The following BIRC6 variants were observed in gnomAD, a reference collection of about 807,000 sequenced individuals.
BIRC6 encodes the protein baculoviral IAP repeat containing 6.
A neutral mutation model predicts 503.3 loss-of-function variants in BIRC6; 98 were observed. That is an observed-to-expected ratio of 0.19 (90% confidence interval 0.17 to 0.23). BIRC6 has a LOEUF of 0.23. Ranked by LOEUF, BIRC6 falls within the 10% of genes least tolerant of loss-of-function variation. The pLI, the probability that BIRC6 is intolerant of heterozygous loss-of-function variation, is 1.00. For missense variants in BIRC6, 5,360 were observed against 5,806.0 expected (o/e 0.92, Z 2.50); for synonymous variants, 2,240 against 2,078.7 (o/e 1.08, Z -2.11).
intron 39 of BIRC6, among the ~76,000 whole-genome samples, chr2:32,484,694 CAT>C (rs945657963): frequency 6.6e-6 from 1 of 151,866 alleles, no homozygotes; most frequent in African/African-American, 2.4e-5. Context: ...ATGTAAATAA[CAT>C]AAAATTTTTC....
intron 21 of BIRC6, among the ~76,000 whole-genome samples, chr2:32,447,078 C>T (rs2046060638): frequency 6.9e-6 from 1 of 144,800 alleles, no homozygotes; most frequent in Admixed American, 6.9e-5. Flanking sequence ...GATAAGGTCA[C>T]AGATCAACAG....
chr2:32,581,942 A>C (rs181695734), intron 66 of BIRC6, among the ~76,000 whole-genome samples: 67 of 152,260 alleles, frequency 4.4e-4, no homozygotes, highest in Admixed American at 1.9e-3. Flanking sequence ...GGCTCACTGC[A>C]AGTTCCGCCT....
intron 72 of BIRC6, among the ~76,000 whole-genome samples, chr2:32,610,770 C>CTTCTT (rs1369287742): frequency 6.6e-6 from 1 of 152,080 alleles, no homozygotes; most frequent in Non-Finnish European, 1.5e-5. Flanking sequence ...CCCCTCCTCT[C>CTTCTT]TTCTTTTCTT....
intron 23 of BIRC6, among the ~76,000 whole-genome samples, chr2:32,460,272 ATTTTTTTTT>A (rs70938346): frequency 4.5e-3 from 84 of 18,792 alleles, no homozygotes; most frequent in African/African-American, 0.012. Context: ...ATATATATAT[ATTTTTTTTT>A]TTTTTTTTTT....
At chr2:32,367,667 T>C (rs901045910) in intron 1 of BIRC6, among the ~76,000 whole-genome samples, 4 of 151,466 alleles carry the variant, frequency 2.6e-5, no homozygotes, top group Non-Finnish European at 1.5e-5. Context: ...AATACAAAAA[T>C]TAGCTGGGTG....
At chr2:32,465,793 A>G (rs925335750) in intron 26 of BIRC6, among the ~76,000 whole-genome samples, 2 of 152,246 alleles carry the variant, frequency 1.3e-5, no homozygotes, top group African/African-American at 4.8e-5. Context: ...TGGTTATAGT[A>G]TACACTGTAG....
intron 10 of BIRC6, among the ~76,000 whole-genome samples, chr2:32,424,128 ATCT>A (rs1164530569): frequency 6.6e-6 from 1 of 152,170 alleles, no homozygotes; most frequent in Non-Finnish European, 1.5e-5. Flanking sequence ...GTAAGAACAA[ATCT>A]TCTGTTTGTG....
intron 23 of BIRC6, 144 bp from the exon 24 acceptor site, chr2:32,463,050 C>A: frequency 1.8e-6 from 1 of 547,234 alleles, no homozygotes; most frequent in Non-Finnish European, 3.1e-6. Flanking sequence ...CTTATTTATA[C>A]TTTCCAGATT....
At chr2:32,559,803 C>G (rs528165325) in intron 65 of BIRC6, among the ~76,000 whole-genome samples, 16 of 152,064 alleles carry the variant, frequency 1.1e-4, no homozygotes, top group African/African-American at 3.9e-4. Context: ...GGTGGATCAC[C>G]TGAGTTCAAG....
chr2:32,503,729 A>C (rs1431191466), intron 49 of BIRC6, among the ~76,000 whole-genome samples: 1 of 151,676 alleles, frequency 6.6e-6, no homozygotes, highest in Non-Finnish European at 1.5e-5. Context: ...GCCGAGAGGG[A>C]ATGTTTTAAC....
chr2:32,611,679 T>A, intron 73 of BIRC6, 97 bp downstream of exon 73: 2 of 1,145,060 alleles, frequency 1.7e-6, no homozygotes, highest in Non-Finnish European at 2.3e-6. Context: ...GGGAGGGAAT[T>A]AAAGAAACAT....
chr2:32,430,897 C>T lies in BIRC6; in HGVS notation c.3055C>T (p.Leu1019Phe), dbSNP rs750062611. 1 of 1,611,284 alleles carries T rather than the reference C, an allele frequency of 6.2e-7. No individual in the cohort carries two copies. The highest frequency in any genetic ancestry group is 2.2e-5 in the East Asian group (1 of 44,816). ...TTTATTGGTGGACCAGCCATTCACCCTTGAAATCTTGACATCCCTAGTGGA... is the reference window on the plus strand; with the variant it reads ...TTTATTGGTGGACCAGCCATTCACCTTTGAAATCTTGACATCCCTAGTGGA... ...VDLLVDQPFT[L>F]EILTSLVELT... Residue 1019 changes from leucine to phenylalanine, a missense_variant, in exon 12 of 74, where the codon CTT (leucine) becomes TTT (phenylalanine). By Grantham distance (22) the Leu-to-Phe change is conservative. Around this residue, in one of 16 missense-constraint regions of BIRC6, gnomAD observed 700 missense variants for 739.3 expected, o/e 0.95. Coordinates refer to ENST00000421745, the MANE Select transcript of BIRC6 (RefSeq NM_016252.4).
intron 37 of BIRC6, among the ~76,000 whole-genome samples, chr2:32,480,227 A>G (rs535864829): frequency 3.3e-5 from 5 of 152,332 alleles, no homozygotes; most frequent in South Asian, 2.1e-4. Flanking sequence ...GAAGGTTCAC[A>G]TAAAGCGTGC....
chr2:32,424,594 A>T (rs1056098886), intron 10 of BIRC6, among the ~76,000 whole-genome samples: 1 of 151,226 alleles, frequency 6.6e-6, no homozygotes, highest in Non-Finnish European at 1.5e-5. Context: ...GGCTCACTGC[A>T]ACCTTTGCCT....
chr2:32,414,694 A>T (rs2042233933), intron 9 of BIRC6, 75 bp from the exon 10 acceptor site: 16 of 1,025,572 alleles, frequency 1.6e-5, no homozygotes, highest in Middle Eastern at 2.4e-4. Context: ...TAAATAAATA[A>T]TTTTACTTGT....
rs1396352692 is a variant in BIRC6, at chr2:32,602,174, T to C, written c.13993-832T>C. ...GCAGCACCATACAGAATAGCCAAGA[T>C]ACAGAATCAACTTAGCGGCCATCAA... On this transcript the variant is annotated intron_variant, in intron 70 of 73. Coordinates refer to ENST00000421745, the MANE Select transcript of BIRC6 (RefSeq NM_016252.4). Among the ~76,000 whole-genome samples the C allele has an allele frequency of 2.6e-5, 4 of 152,138 alleles. No homozygotes were observed. The East Asian group carries it at 5.8e-4, about 22-fold the overall frequency.
intron 9 of BIRC6, among the ~76,000 whole-genome samples, chr2:32,412,135 G>A (rs1394682570): frequency 6.6e-6 from 1 of 152,096 alleles, no homozygotes; most frequent in Non-Finnish European, 1.5e-5. Flanking sequence ...ACTCAGTCCT[G>A]TGTTTCAGTA....
rs202038054 is a variant in BIRC6, at chr2:32,397,662, G to A, written c.1034+2069G>A. 3.6e-4 allele frequency among the ~76,000 whole-genome samples: 50 copies of A among 138,758 alleles called. No homozygotes were observed. The South Asian group carries it at 4.1e-3, about 11-fold the overall frequency. The allele number at this position is 138,758 out of a possible 152,430, so 91.0% of individuals were successfully genotyped here. ...TATACACACACACACACATATATGT[G>A]TATATATATATACACACACACATAT... is the stretch of plus-strand genomic sequence containing the variant. On this transcript the variant is annotated intron_variant, in intron 6 of 73. Transcript: ENST00000421745.
At chr2:32,453,730 G>A in intron 22 of BIRC6, 78 bp from the exon 23 acceptor site, 1 of 1,332,528 alleles carries the variant, frequency 7.5e-7, no homozygotes, top group Non-Finnish European at 1.1e-6. Flanking sequence ...AATTGAAGTT[G>A]CAGCTATAAT....
Sources: gnomAD v4.1 joint callset for allele counts (sites outside exome capture counted in the v4.1 genomes callset) on GRCh38, gnomAD v4.1.1 for gene constraint, gnomAD v4.1.1 regional missense constraint, MANE v1.5 for transcripts, NCBI Gene and HGNC (gene_info 2026-07-23, HGNC 2026-07-21) for gene names.